TBC1D14: variants seen among roughly 807,000 people sequenced by gnomAD.
TBC1D14 encodes TBC1 domain family member 14, also known as TBC1 domain family, member 14.
Under a neutral mutation model 79.0 loss-of-function variants are expected in TBC1D14, and 26 were observed. The ratio of observed to expected loss-of-function variants is 0.33; its 90% CI spans 0.24 to 0.46. The LOEUF is 0.46. Among genes scored for constraint, TBC1D14 ranks in the 20% least tolerant of loss-of-function variants. The pLI is 1.00. For missense variants in TBC1D14, 769 were observed against 887.6 expected (o/e 0.87, Z 1.70); for synonymous variants, 394 against 349.9 (o/e 1.13, Z -1.40).
chr4:6,910,039 AGGCGGGGAGCGGCCGG>A (rs1460117541), intron 1 of TBC1D14, 88 bp downstream of exon 1: 1 of 146,894 alleles, frequency 6.8e-6, no homozygotes, highest in Non-Finnish European at 1.5e-5. Flanking sequence ...GCGCCGGCCG[AGGCGGGGAGCGGCCGG>A]GGCGAGGCAG....
At chr4:7,026,900 AAAACAAAC>A (rs896900784) in intron 13 of TBC1D14, among the ~76,000 whole-genome samples, 11 of 152,104 alleles carry the variant, frequency 7.2e-5, no homozygotes, top group African/African-American at 2.7e-4. Flanking sequence ...CTGTCTTAAA[AAAACAAAC>A]AAACAAACAA....
At chr4:6,921,861 T>A (rs1723891865) in intron 1 of TBC1D14, among the ~76,000 whole-genome samples, 1 of 151,968 alleles carries the variant, frequency 6.6e-6, no homozygotes, top group Non-Finnish European at 1.5e-5. Context: ...CACGCCTGGC[T>A]AATTTTTGTA....
intron 9 of TBC1D14, 80 bp downstream of exon 9, chr4:7,006,806 A>C: frequency 7.1e-7 from 1 of 1,399,836 alleles, no homozygotes; most frequent in Non-Finnish European, 9.9e-7. Flanking sequence ...TTTGTTGTCA[A>C]GTTTGAAAGG....
chr4:6,974,759 C>T (rs1220794731), intron 3 of TBC1D14, among the ~76,000 whole-genome samples: 1 of 151,856 alleles, frequency 6.6e-6, no homozygotes, highest in Non-Finnish European at 1.5e-5. Context: ...AGTTTCTTAA[C>T]ACAATATTGA....
intron 5 of TBC1D14, among the ~76,000 whole-genome samples, chr4:6,998,026 T>C (rs1719246590): frequency 6.6e-6 from 1 of 152,168 alleles, no homozygotes; most frequent in Admixed American, 6.5e-5. Flanking sequence ...CAAAAAAGTA[T>C]ATGTAAACTA....
At chr4:6,938,008 G>A (rs1332893598) in intron 2 of TBC1D14, among the ~76,000 whole-genome samples, 1 of 152,138 alleles carries the variant, frequency 6.6e-6, no homozygotes, top group Non-Finnish European at 1.5e-5. Flanking sequence ...GTTGGAGAAA[G>A]GAAGTGGAGG....
At chr4:6,927,263 A>G (rs1724364734) in intron 2 of TBC1D14, among the ~76,000 whole-genome samples, 1 of 150,264 alleles carries the variant, frequency 6.7e-6, no homozygotes, top group South Asian at 2.2e-4. Context: ...TTCACGGGCT[A>G]TGGGGGCGGG....
At chr4:7,022,565 C>A (rs1721935656) in intron 12 of TBC1D14, among the ~76,000 whole-genome samples, 1 of 152,196 alleles carries the variant, frequency 6.6e-6, no homozygotes, top group South Asian at 2.1e-4. Context: ...GGGACAGAGG[C>A]TGATGCCAGG....
chr4:6,964,247 C>T (rs752864322), intron 2 of TBC1D14, among the ~76,000 whole-genome samples: 5 of 152,158 alleles, frequency 3.3e-5, no homozygotes, highest in Non-Finnish European at 7.4e-5. Context: ...AGCTTGTGCT[C>T]AACCTTCCAG....
intron 11 of TBC1D14, among the ~76,000 whole-genome samples, chr4:7,013,991 C>T (rs1356518080): frequency 2.0e-5 from 3 of 152,192 alleles, no homozygotes; most frequent in Non-Finnish European, 4.4e-5. Context: ...CCTCATGATC[C>T]ACCCGCCTCG....
At chr4:7,005,352 G>A (rs1332407573) in intron 8 of TBC1D14, among the ~76,000 whole-genome samples, 3 of 152,142 alleles carry the variant, frequency 2.0e-5, no homozygotes, top group African/African-American at 7.2e-5. Flanking sequence ...TGGTCAACAT[G>A]GCGAGACCCC....
intron 3 of TBC1D14, among the ~76,000 whole-genome samples, chr4:6,971,452 C>G (rs2109061992): frequency 6.6e-6 from 1 of 152,322 alleles, no homozygotes; most frequent in South Asian, 2.1e-4. Context: ...GGGCTGCATT[C>G]TTTTGGCTTG....
chr4:6,933,559 G>C (rs955935510), intron 2 of TBC1D14, among the ~76,000 whole-genome samples: 1 of 151,712 alleles, frequency 6.6e-6, no homozygotes, highest in Non-Finnish European at 1.5e-5. Flanking sequence ...TCCTGCCTTG[G>C]CTTCCCCAAG....
At chr4:6,983,936 G>A (rs1266807402) in intron 3 of TBC1D14, among the ~76,000 whole-genome samples, 1 of 152,204 alleles carries the variant, frequency 6.6e-6, no homozygotes, top group African/African-American at 2.4e-5. Flanking sequence ...GTTGGAGAGG[G>A]TAGTGTTGAG....
intron 1 of TBC1D14, among the ~76,000 whole-genome samples, chr4:6,922,716 T>C (rs1020811878): frequency 2.0e-5 from 3 of 152,176 alleles, no homozygotes; most frequent in African/African-American, 7.2e-5. Context: ...TTTTGACAGA[T>C]TATCATTTCA....
intron 2 of TBC1D14, among the ~76,000 whole-genome samples, chr4:6,964,968 T>C (rs1715570856): frequency 6.6e-6 from 1 of 152,232 alleles, no homozygotes; most frequent in Non-Finnish European, 1.5e-5. Context: ...TATTTTTTCC[T>C]GTGCCATTAG....
Position 6,963,377 on chromosome 4 carries a change from G to A in TBC1D14, c.723-3927G>A, listed in dbSNP as rs541450370. The stretch of plus-strand genomic sequence containing the variant: ...AGCAGCTGAGGGACTGCTGGACTCC[G>A]GAGCAGCAGCACCAGTGTGGTCTCC... On this transcript the variant is annotated intron_variant, in intron 2 of 13. Transcript: ENST00000409757. Among the ~76,000 whole-genome samples, 12 of 152,366 alleles carry A rather than the reference G, an allele frequency of 7.9e-5. No homozygotes were observed. The East Asian group carries it at 1.7e-3, about 22-fold the overall frequency.
At chr4:6,989,216 C>A (rs76726855) in intron 3 of TBC1D14, among the ~76,000 whole-genome samples, 2,702 of 152,282 alleles carry the variant, frequency 0.018, 93 homozygotes, top group African/African-American at 0.062. Context: ...GGAATGTAGA[C>A]CCTGCCCCTG....
chr4:6,991,937 G>T (rs180844358), intron 3 of TBC1D14, among the ~76,000 whole-genome samples: 4 of 152,160 alleles, frequency 2.6e-5, no homozygotes. Context: ...CCTACTTTTT[G>T]TATCTGTGCT....
Sources: gnomAD v4.1 joint callset for allele counts (sites outside exome capture counted in the v4.1 genomes callset) on GRCh38, gnomAD v4.1.1 for gene constraint, MANE v1.5 for transcripts, NCBI Gene and HGNC (gene_info 2026-07-23, HGNC 2026-07-21) for gene names.